LRP1B: variants seen among roughly 807,000 people sequenced by gnomAD.
LRP1B encodes the protein low-density lipoprotein receptor-related protein 1B.
A neutral mutation model predicts 556.6 loss-of-function variants in LRP1B; 217 were observed. That is an observed-to-expected ratio of 0.39 (90% CI 0.35 to 0.44). The LOEUF is 0.44. Ranked by LOEUF, LRP1B falls within the 20% of genes least tolerant of loss-of-function variation. The pLI is 1.00. For missense variants in LRP1B, 5,053 were observed against 5,620.8 expected (o/e 0.90, Z 3.23); for synonymous variants, 2,047 against 1,865.8 (o/e 1.10, Z -2.50).
At chr2:140,662,783 A>G (rs1182835044) in intron 41 of LRP1B, among the ~76,000 whole-genome samples, 2 of 152,264 alleles carry the variant, frequency 1.3e-5, no homozygotes, top group East Asian at 3.9e-4. Flanking sequence ...CTAAAATACA[A>G]AGTCTCAGAG....
chr2:141,096,629 G>GGAGAGGGAGAGA (rs1700318285), intron 7 of LRP1B, among the ~76,000 whole-genome samples: 21 of 59,742 alleles, frequency 3.5e-4, no homozygotes, highest in African/African-American at 1.5e-3. Context: ...GGGGAGAGGG[G>GGAGAGGGAGAGA]GAGAGAGAGA....
At chr2:141,419,109 A>G (rs944322989) in intron 3 of LRP1B, among the ~76,000 whole-genome samples, 1 of 151,866 alleles carries the variant, frequency 6.6e-6, no homozygotes, top group Non-Finnish European at 1.5e-5. Context: ...TTCTTTTCTA[A>G]TTGCTCTGGC....
At chr2:140,931,460 C>A (rs1695046935) in intron 20 of LRP1B, among the ~76,000 whole-genome samples, 1 of 151,590 alleles carries the variant, frequency 6.6e-6, no homozygotes, top group African/African-American at 2.4e-5. Flanking sequence ...AGTACATAGA[C>A]TTTAGGACTT....
chr2:140,905,379 C>T (rs1694221346), intron 22 of LRP1B, among the ~76,000 whole-genome samples: 1 of 152,114 alleles, frequency 6.6e-6, no homozygotes. Context: ...GGCAGATAGG[C>T]CCTGAACCTC....
intron 86 of LRP1B, among the ~76,000 whole-genome samples, chr2:140,247,958 A>G (rs1468053192): frequency 6.6e-6 from 1 of 151,678 alleles, no homozygotes; most frequent in Non-Finnish European, 1.5e-5. Context: ...CCACAGAGAA[A>G]CAATTTAATT....
chr2:140,306,476 A>G (rs1040270518), intron 83 of LRP1B, among the ~76,000 whole-genome samples: 4 of 151,920 alleles, frequency 2.6e-5, no homozygotes, highest in African/African-American at 9.7e-5. Flanking sequence ...GGTAGTTTGT[A>G]TTTCTGTGGG....
At chr2:141,171,533 C>T (rs1407276923) in intron 7 of LRP1B, among the ~76,000 whole-genome samples, 1 of 151,444 alleles carries the variant, frequency 6.6e-6, no homozygotes, top group Admixed American at 6.6e-5. Flanking sequence ...AAAATTCTCA[C>T]TTTGCATATT....
At chr2:140,325,911 C>A (rs776164759) in intron 79 of LRP1B, 33 bp from the exon 80 acceptor site, 2 of 1,286,102 alleles carry the variant, frequency 1.6e-6, no homozygotes, top group African/African-American at 2.9e-5. Flanking sequence ...ACAAATAGTG[C>A]AAGTAAATTT....
chr2:141,272,882 A>G (rs1049024598), intron 3 of LRP1B, among the ~76,000 whole-genome samples: 1 of 152,242 alleles, frequency 6.6e-6, no homozygotes. Flanking sequence ...GAAGACCTCA[A>G]TGTTCCACTT....
intron 80 of LRP1B, 123 bp downstream of exon 80, chr2:140,325,639 T>G (rs113293993): frequency 1.6e-6 from 1 of 633,142 alleles, no homozygotes; most frequent in South Asian, 2.7e-5. Context: ...CCTTATAAGT[T>G]GAAAGGAGAA....
intron 2 of LRP1B, among the ~76,000 whole-genome samples, chr2:141,560,241 T>A (rs559704586): frequency 2.0e-5 from 3 of 151,902 alleles, no homozygotes; most frequent in African/African-American, 7.2e-5. Context: ...TGCACTTATG[T>A]CAAAGGAACA....
At chr2:140,652,094 G>GT (rs1684709999) in intron 41 of LRP1B, among the ~76,000 whole-genome samples, 1 of 151,884 alleles carries the variant, frequency 6.6e-6, no homozygotes, top group South Asian at 2.1e-4. Flanking sequence ...AAGGAAAAAT[G>GT]TTTTTAAAAA....
chr2:142,066,486 C>G (rs1705114334), intron 1 of LRP1B, among the ~76,000 whole-genome samples: 1 of 151,338 alleles, frequency 6.6e-6, no homozygotes, highest in African/African-American at 2.4e-5. Flanking sequence ...CAAGGGTACT[C>G]TCTCCCCCTC....
Position 140,517,542 on chromosome 2 carries a change from A to G in LRP1B, c.8027-531T>C, listed in dbSNP as rs536178500. Among the ~76,000 whole-genome samples the G allele has an allele frequency of 1.1e-4, 17 of 152,232 alleles. 1 individual carries two copies. The East Asian group carries it at 3.1e-3, about 28-fold the overall frequency. On this transcript the variant is annotated intron_variant, in intron 49 of 90. Coordinates refer to ENST00000389484, the MANE Select transcript of LRP1B (RefSeq NM_018557.3). ...ATTATTCTGTATTTTAAGGAAGAAT[A>G]AACGAGTTACACTGGCAAATCTGAA...
At chr2:141,017,478 C>T (rs563650750) in intron 12 of LRP1B, among the ~76,000 whole-genome samples, 7 of 151,220 alleles carry the variant, frequency 4.6e-5, no homozygotes, top group South Asian at 2.1e-4. Flanking sequence ...AACACACACA[C>T]GCACACACGA....
chr2:140,464,390 C>A (rs1480982487), intron 60 of LRP1B, among the ~76,000 whole-genome samples: 1 of 152,176 alleles, frequency 6.6e-6, no homozygotes, highest in South Asian at 2.1e-4. Flanking sequence ...GATTTAACAT[C>A]ATTTAATCTC....
At chr2:141,229,493 TAC>T (rs1683379492) in intron 5 of LRP1B, 53 bp from the exon 6 acceptor site, 1 of 1,320,454 alleles carries the variant, frequency 7.6e-7, no homozygotes, top group Non-Finnish European at 1.1e-6. Flanking sequence ...AAGATTATTT[TAC>T]AGTTTTGCCC....
intron 2 of LRP1B, among the ~76,000 whole-genome samples, chr2:141,571,047 C>T (rs1025960875): frequency 1.3e-5 from 2 of 151,240 alleles, no homozygotes; most frequent in African/African-American, 4.8e-5. Context: ...ACCCCGTCCA[C>T]CAAGGGACAA....
intron 2 of LRP1B, among the ~76,000 whole-genome samples, chr2:141,509,888 A>C (rs1414089907): frequency 2.0e-5 from 3 of 152,126 alleles, no homozygotes; most frequent in Non-Finnish European, 4.4e-5. Context: ...GTATTAGACT[A>C]ATATTTTTAG....
Sources: gnomAD v4.1 joint callset for allele counts (sites outside exome capture counted in the v4.1 genomes callset) on GRCh38, gnomAD v4.1.1 for gene constraint, MANE v1.5 for transcripts, NCBI Gene and HGNC (gene_info 2026-07-23, HGNC 2026-07-21) for gene names.